Variants in GRHL2 observed in about 807,000 individuals in gnomAD.
GRHL2 encodes grainyhead like transcription factor 2.
In GRHL2, 21 loss-of-function variants were observed where a neutral mutation model predicts 83.8. The ratio of observed to expected loss-of-function variants is 0.25; its 90% CI spans 0.18 to 0.36. The LOEUF is 0.36. Among genes scored for constraint, GRHL2 ranks in the 10% least tolerant of loss-of-function variants. The pLI, the probability that GRHL2 is intolerant of heterozygous loss-of-function variation, is 1.00. For synonymous variants in GRHL2, 280 were observed against 278.9 expected, an observed-to-expected ratio of 1.00 and a Z score of -0.04; for missense variants, 623 against 781.8, an observed-to-expected ratio of 0.80 and a Z score of 2.42.
At chr8:101,531,927 A>G (rs1258981254) in intron 1 of GRHL2, among the ~76,000 whole-genome samples, 4 of 152,246 alleles carry the variant, frequency 2.6e-5, no homozygotes, top group Non-Finnish European at 5.9e-5. Context: ...ATTTTGTTTT[A>G]CAGTTTATTG....
At chr8:101,636,508 C>A (rs531469126) in intron 11 of GRHL2, among the ~76,000 whole-genome samples, 2 of 152,196 alleles carry the variant, frequency 1.3e-5, no homozygotes, top group East Asian at 1.9e-4. Flanking sequence ...AGGAAAGGAC[C>A]CACCCTGCAA....
intron 8 of GRHL2, among the ~76,000 whole-genome samples, chr8:101,600,813 A>G (rs1473960816): frequency 6.6e-6 from 1 of 152,172 alleles, no homozygotes; most frequent in Non-Finnish European, 1.5e-5. Context: ...GGCAGGGCCT[A>G]TGTCAGAGTC....
chr8:101,559,938 T>C (rs889795592), intron 4 of GRHL2, among the ~76,000 whole-genome samples: 3 of 152,208 alleles, frequency 2.0e-5, no homozygotes, highest in Admixed American at 1.3e-4. Context: ...TGATAGAGGA[T>C]ATAGTCTCCT....
intron 6 of GRHL2, 159 bp downstream of exon 6, chr8:101,573,983 G>A (rs1017189818): frequency 1.6e-5 from 13 of 797,310 alleles, no homozygotes; most frequent in Admixed American, 8.3e-5. Flanking sequence ...TTATTGGCTC[G>A]TAGTTGATCA....
chr8:101,581,696 C>A (rs990785567), intron 7 of GRHL2, among the ~76,000 whole-genome samples: 5 of 152,156 alleles, frequency 3.3e-5, no homozygotes, highest in African/African-American at 1.2e-4. Flanking sequence ...GTGCCAGACC[C>A]TTTGTTAGGC....
chr8:101,590,476 G>A (rs535931694), intron 7 of GRHL2, among the ~76,000 whole-genome samples: 1 of 152,260 alleles, frequency 6.6e-6, no homozygotes, highest in South Asian at 2.1e-4. Context: ...GAGGACAGAT[G>A]GGAGGTGCAA....
intron 1 of GRHL2, among the ~76,000 whole-genome samples, chr8:101,500,518 A>T (rs959967093): frequency 3.9e-5 from 6 of 152,008 alleles, no homozygotes; most frequent in African/African-American, 1.2e-4. Flanking sequence ...GTATATATAT[A>T]TTTTTTTGAG....
chr8:101,500,851 TAA>T lies in GRHL2; in HGVS notation c.20+8075_20+8076del, dbSNP rs33923524. ...GCTGTAAGTTTCTTACTGGAAATGG[TAA>T]AAAAAAAAAAAAGTACTGGATTATA... is the stretch of plus-strand genomic sequence containing the variant. On this transcript the variant is annotated intron_variant, in intron 1 of 15. Transcript: ENST00000646743. 2.9e-3 allele frequency among the ~76,000 whole-genome samples: 444 copies of T among 151,410 alleles called. 8 individuals are homozygous for T. Among genetic ancestry groups the T allele is most frequent in the African/African-American group, 9.8e-3 (406 of 41,268 alleles).
At chr8:101,608,717 T>TTTTTTATTTTTCTACATTTTTTA (rs1554591897) in intron 8 of GRHL2, among the ~76,000 whole-genome samples, 1 of 143,730 alleles carries the variant, frequency 7.0e-6, no homozygotes, top group Admixed American at 7.2e-5. Context: ...CAGATTTGCT[T>TTTTTTATTTTTCTACATTTTTTA]TGTCTCTGCT....
At chr8:101,657,648 G>C (rs2129738736) in intron 14 of GRHL2, among the ~76,000 whole-genome samples, 1 of 152,122 alleles carries the variant, frequency 6.6e-6, no homozygotes, top group Admixed American at 6.5e-5. Context: ...AGACCATCCT[G>C]GCTAACATGG....
rs1052358869 is a variant in GRHL2 at position 101,648,978 on chromosome 8, A to G, written c.1613-436A>G. Among the ~76,000 whole-genome samples the G allele has an allele frequency of 3.9e-5, 6 of 152,166 alleles. No homozygotes were observed. The East Asian group carries it at 1.2e-3, about 29-fold the overall frequency. On this transcript the variant is annotated intron_variant, in intron 13 of 15. Transcript: ENST00000646743. ...AGCCTGCTTCTCTAAATGGACTGCA[A>G]AATCCTTAAGGACAGGGGCTGTGAT...
At chr8:101,551,323 G>T (rs1811375289) in intron 2 of GRHL2, among the ~76,000 whole-genome samples, 1 of 152,152 alleles carries the variant, frequency 6.6e-6, no homozygotes. Context: ...AGGGACTATT[G>T]TTATGCCCAT....
At chr8:101,627,538 T>C (rs1225114691) in intron 9 of GRHL2, among the ~76,000 whole-genome samples, 7 of 152,010 alleles carry the variant, frequency 4.6e-5, no homozygotes, top group Admixed American at 2.6e-4. Context: ...GAAACAACCA[T>C]ATGAAACCAA....
chr8:101,567,245 A>T (rs1454556615), intron 4 of GRHL2, among the ~76,000 whole-genome samples: 3 of 152,212 alleles, frequency 2.0e-5, no homozygotes, highest in Admixed American at 2.0e-4. Context: ...ATGTTAGCAT[A>T]CCTTCTTTAC....
intron 1 of GRHL2, among the ~76,000 whole-genome samples, chr8:101,495,674 A>T (rs1213685851): frequency 1.3e-5 from 2 of 152,142 alleles, no homozygotes; most frequent in African/African-American, 4.8e-5. Flanking sequence ...TTTTCTGGTT[A>T]CCTACTATTT....
intron 1 of GRHL2, among the ~76,000 whole-genome samples, chr8:101,540,270 A>G (rs1460506772): frequency 6.6e-6 from 1 of 152,162 alleles, no homozygotes; most frequent in Non-Finnish European, 1.5e-5. Flanking sequence ...TAGGCACTGA[A>G]TTATTTAAGA....
chr8:101,588,501 C>T (rs573057328), intron 7 of GRHL2, among the ~76,000 whole-genome samples: 2 of 152,252 alleles, frequency 1.3e-5, no homozygotes, highest in African/African-American at 4.8e-5. Context: ...GGCTCCCCAC[C>T]CCCTTAACAC....
At chr8:101,649,637 A>G in intron 14 of GRHL2, 138 bp downstream of exon 14, 1 of 723,248 alleles carries the variant, frequency 1.4e-6, no homozygotes. Context: ...AGATTTGTGG[A>G]GGCATTGATC....
chr8:101,516,208 C>T (rs982603034), intron 1 of GRHL2, among the ~76,000 whole-genome samples: 3 of 152,218 alleles, frequency 2.0e-5, no homozygotes, highest in Non-Finnish European at 2.9e-5. Flanking sequence ...CAACCACAGA[C>T]TGCCTCTGGG....
Sources: allele counts gnomAD v4.1 joint callset (sites outside exome capture counted in the v4.1 genomes callset), GRCh38; gene constraint gnomAD v4.1.1; transcripts MANE v1.5; gene names NCBI Gene and HGNC (gene_info 2026-07-23, HGNC 2026-07-21).